DYNC1H1: variants seen among roughly 807,000 people sequenced by gnomAD.
DYNC1H1 encodes the protein cytoplasmic dynein 1 heavy chain 1.
Under a neutral mutation model 527.1 loss-of-function variants are expected in DYNC1H1, and 51 were observed. The ratio of observed to expected loss-of-function variants is 0.10; its 90% confidence interval spans 0.08 to 0.12. The LOEUF is 0.12. Ranked by LOEUF, DYNC1H1 falls within the 10% of genes least tolerant of loss-of-function variation. The pLI is 1.00. For synonymous variants in DYNC1H1, 2,189 were observed against 2,278.8 expected (o/e 0.96, Z 1.12); for missense variants, 2,771 against 5,971.8 (o/e 0.46, Z 17.66).
At chr14:102,006,916 A>T in intron 27 of DYNC1H1, 92 bp from the exon 28 acceptor site, 2 of 1,435,400 alleles carry the variant, frequency 1.4e-6, no homozygotes, top group Non-Finnish European at 1.9e-6. Context: ...TGGATTTTTT[A>T]AATGAGTTGC....
chr14:101,996,612 G>A (rs2141282290), intron 15 of DYNC1H1, among the ~76,000 whole-genome samples: 1 of 152,170 alleles, frequency 6.6e-6, no homozygotes. Flanking sequence ...AAGAGCACAT[G>A]TGTTGATCTT....
chr14:102,024,403 A>T (rs2048424890), intron 43 of DYNC1H1, among the ~76,000 whole-genome samples: 1 of 152,202 alleles, frequency 6.6e-6, no homozygotes, highest in South Asian at 2.1e-4. Flanking sequence ...AAAGAGCAGG[A>T]CAGAGGGAGA....
At position 102,000,032 on chromosome 14, in the gene DYNC1H1, A is replaced by G; in HGVS notation, c.3848A>G (p.Tyr1283Cys). The change falls in exon 17 of 78, where the codon TAT (tyrosine) becomes TGT (cysteine). Residue 1283 changes from tyrosine (Y) to cysteine (C), a missense_variant. By Grantham distance (194) the Tyr-to-Cys change is radical. This residue lies in a region of DYNC1H1 where 223 missense variants were observed against 462.5 expected (regional missense o/e 0.48). Coordinates refer to ENST00000360184, the MANE Select transcript of DYNC1H1 (RefSeq NM_001376.5). ...GAGGCACTTCAGGCTCTCACCATAT[A>G]TGAGGGGAAGTTTGGTAGGCTGAAG... ...PEEALQALTI[Y>C]EGKFGRLKDD... is the part of the protein sequence containing the mutation. 2 of 1,614,140 alleles carry G rather than the reference A, an allele frequency of 1.2e-6. No individual in the cohort carries two copies. The highest frequency in any genetic ancestry group is 1.7e-6 in the Non-Finnish European group (2 of 1,180,024).
chr14:102,005,127 C>G lies in DYNC1H1; in HGVS notation c.5324C>G (p.Ala1775Gly). ...AGCAGCATGGGCGGAGGTGGAGATG[C>G]CGCGCCCTTGCACTCTGTGCTGAGC... ...ALSSMGGGGD[A>G]APLHSVLSNV... The change falls in exon 26 of 78, where the codon GCC (alanine) becomes GGC (glycine). Residue 1775 changes from alanine to glycine, a missense_variant. Transcript: ENST00000360184. This position sits in a 1 kb window ranked among gnomAD's most constrained non-coding sequence, Gnocchi z 4.0. The G allele has an allele frequency of 6.2e-7, 1 of 1,614,144 alleles. No individual in the cohort carries two copies. The highest frequency in any genetic ancestry group is 1.1e-5 in the South Asian group (1 of 91,090).
rs1241977428 is a variant in DYNC1H1 at position 102,034,305 on chromosome 14, G to T, written c.10627-20G>T. The stretch of plus-strand genomic sequence containing the variant: ...TCTGTGGCTGTGAAGAGGAGGAAAG[G>T]TAACGGCCTTGCCTTTCAGTTCCGT... On this transcript the variant is annotated intron_variant, in intron 55 of 77. Transcript: ENST00000360184. 6.2e-7 allele frequency: 1 copy of T among 1,614,128 alleles called. No homozygotes were observed. Among genetic ancestry groups the T allele is most frequent in the East Asian group, 2.2e-5 (1 of 44,902 alleles).
intron 72 of DYNC1H1, among the ~76,000 whole-genome samples, chr14:102,045,820 T>C (rs4534770): frequency 0.36 from 53,900 of 151,706 alleles, 12,402 homozygotes; most frequent in African/African-American, 0.66. Context: ...GTGGCTCTCA[T>C]AGTGTGGCTC....
Position 101,979,944 on chromosome 14 carries a change from A to G in DYNC1H1, c.744A>G (p.Gly248=). 6.2e-7 allele frequency: 1 copy of G among 1,614,252 alleles called. No homozygotes were observed. Residue 248 remains glycine (G), a synonymous_variant, in exon 4 of 78, where the codon GGA becomes GGG. Coordinates refer to ENST00000360184, the MANE Select transcript of DYNC1H1 (RefSeq NM_001376.5). This position sits in a 1 kb window ranked among gnomAD's most constrained non-coding sequence, Gnocchi z 4.6. ...DPTFLNQLQS[G]VNRWIREIQK... ...CATTTCTTAATCAGTTACAATCTGG[A>G]GTTAACCGCTGGATCCGAGAAATTC... is the stretch of plus-strand genomic sequence containing the variant.
chr14:102,007,625 A>G (rs573152834), intron 28 of DYNC1H1, among the ~76,000 whole-genome samples: 11 of 152,250 alleles, frequency 7.2e-5, no homozygotes, highest in African/African-American at 2.4e-4. Flanking sequence ...GGGAGTAGGT[A>G]GTAGTATTCC....
rs201665825 is a variant in DYNC1H1, at chr14:102,050,120, C to T, written c.13734C>T (p.Ser4578=). ...GCAACAACAACAAGCTGTCACTGTC[C>T]AATGCCATCTCAACCGCCCTTCCCC... is the stretch of plus-strand genomic sequence containing the variant. ...ATCNNNKLSL[S]NAISTALPLT... Residue 4578 remains serine, a synonymous_variant, in exon 77 of 78, where the codon TCC becomes TCT. Transcript: ENST00000360184. The T allele has an allele frequency of 1.3e-6, 2 of 1,589,084 alleles. No homozygotes were observed. The highest frequency in any genetic ancestry group is 1.7e-6 in the Non-Finnish European group (2 of 1,173,558).
Position 102,042,114 on chromosome 14 carries a change from A to C in DYNC1H1, c.12204A>C (p.Ser4068=). The C allele has an allele frequency of 6.2e-7, 1 of 1,614,052 alleles. No individual in the cohort carries two copies. ...CCGAGCAGAACACGCAGATCACTTC[A>C]ATTGCAATCGGTAAGGATGCTTGAG... ...LAAEQNTQIT[S]IAIGSAEGFN... The change falls in exon 66 of 78, where the codon TCA becomes TCC. Residue 4068 remains serine, a synonymous_variant. Coordinates refer to ENST00000360184, the MANE Select transcript of DYNC1H1 (RefSeq NM_001376.5). This position sits in a 1 kb window ranked among gnomAD's most constrained non-coding sequence, Gnocchi z 5.7.
Position 102,051,952 on chromosome 14 carries a change from A to G in DYNC1H1, c.*1389A>G, listed in dbSNP as rs988172082. ...AGTGATCCTCCTGCCTCAGCCTCCC[A>G]AAGTGCTGAGATGACAGGCATGAGC... On this transcript the variant is annotated 3_prime_UTR_variant, in exon 78 of 78. Transcript: ENST00000360184. The G allele has an allele frequency of 2.0e-5, 3 of 152,108 alleles. No homozygotes were observed. The highest frequency in any genetic ancestry group is 7.2e-5 in the African/African-American group (3 of 41,382). 9.4% of individuals were successfully genotyped at this position (152,108 alleles called of 1,614,324 possible).
chr14:102,047,378 C>T lies in DYNC1H1; in HGVS notation c.13007-439C>T, dbSNP rs1403405647. Among the ~76,000 whole-genome samples the T allele has an allele frequency of 2.6e-5, 4 of 151,552 alleles. No homozygotes were observed. The East Asian group carries it at 7.8e-4, about 29-fold the overall frequency. On this transcript the variant is annotated intron_variant, in intron 72 of 77. Coordinates refer to ENST00000360184, the MANE Select transcript of DYNC1H1 (RefSeq NM_001376.5). ...TGAAACCCTGTCTCTACTAAAAATA[C>T]AAGAAAAAATTAGCCAGGCGCGGTG... is the stretch of plus-strand genomic sequence containing the variant.
In DYNC1H1 at chr14:102,044,246, C is replaced by T; in HGVS notation, c.12685-28C>T. On this transcript the variant is annotated intron_variant, in intron 70 of 77. Transcript: ENST00000360184. The surrounding 1 kb of genome is among the most constrained non-coding windows in gnomAD (Gnocchi z 7.1). The stretch of plus-strand genomic sequence containing the variant: ...CCGGGCCTGCCCGCCTCTGACCACA[C>T]ACACGAACCCTGCTTTTCCTCCCCC... 2 of 1,613,092 alleles carry T rather than the reference C, an allele frequency of 1.2e-6. No homozygotes were observed. The highest frequency in any genetic ancestry group is 1.7e-6 in the Non-Finnish European group (2 of 1,179,826).
intron 1 of DYNC1H1, among the ~76,000 whole-genome samples, chr14:101,969,057 T>C (rs1376501270): frequency 1.3e-5 from 2 of 151,512 alleles, no homozygotes; most frequent in Non-Finnish European, 2.9e-5. Flanking sequence ...TCGCCCTGTC[T>C]CCCAGGCTGG....
rs2048325923 is a variant in DYNC1H1, at chr14:102,016,622, A to C, written c.7614+133A>C. 4 of 1,565,842 alleles carry C rather than the reference A, an allele frequency of 2.6e-6. No individual in the cohort carries two copies. In the Admixed American group the frequency reaches 7.0e-5, roughly 27 times the overall value. ...TTTCATAGAAGGACTTTATCCTTTT[A>C]GTTCCATGTGTTAGCAAAGAGTGCA... On this transcript the variant is annotated intron_variant, in intron 37 of 77. Coordinates refer to ENST00000360184, the MANE Select transcript of DYNC1H1 (RefSeq NM_001376.5). This position sits in a 1 kb window ranked among gnomAD's most constrained non-coding sequence, Gnocchi z 7.3.
intron 72 of DYNC1H1, among the ~76,000 whole-genome samples, chr14:102,046,147 G>C (rs1182901113): frequency 6.6e-6 from 1 of 150,478 alleles, no homozygotes; most frequent in Non-Finnish European, 1.5e-5. Context: ...CAGCCTGGGC[G>C]ACAGAGCAAG....
intron 11 of DYNC1H1, among the ~76,000 whole-genome samples, chr14:101,991,918 C>A (rs1336070408): frequency 6.6e-6 from 1 of 152,100 alleles, no homozygotes; most frequent in African/African-American, 2.4e-5. Context: ...TTGGGAATCT[C>A]AATTCCTGCT....
intron 41 of DYNC1H1, among the ~76,000 whole-genome samples, chr14:102,019,533 G>A (rs2152584367): frequency 6.6e-6 from 1 of 152,332 alleles, no homozygotes; most frequent in Non-Finnish European, 1.5e-5. Flanking sequence ...TAAATATAAT[G>A]TATTTCAGCA....
chr14:102,013,398 G>A (rs934950349), intron 34 of DYNC1H1, among the ~76,000 whole-genome samples: 2 of 152,054 alleles, frequency 1.3e-5, no homozygotes, highest in Admixed American at 1.3e-4. Context: ...AGGTTAAAAT[G>A]TGAAGCCTTC....
Sources: gnomAD v4.1 joint callset for allele counts (sites outside exome capture counted in the v4.1 genomes callset) on GRCh38, gnomAD v4.1.1 for gene constraint, gnomAD v4.1.1 regional missense constraint, Gnocchi (gnomAD v3.1) non-coding constraint, MANE v1.5 for transcripts, NCBI Gene and HGNC (gene_info 2026-07-23, HGNC 2026-07-21) for gene names.